Variants in PLCB1 observed in about 807,000 individuals in gnomAD.
PLCB1 encodes the protein phospholipase C beta 1.
A neutral mutation model predicts 161.8 loss-of-function variants in PLCB1; 46 were observed. That is an observed-to-expected ratio of 0.28 (90% CI 0.22 to 0.36). The LOEUF (loss-of-function observed/expected upper bound fraction) is 0.36, where lower values mean the gene tolerates loss of function less well. Among genes scored for constraint, PLCB1 ranks in the 10% least tolerant of loss-of-function variants. The pLI, the probability that PLCB1 is intolerant of heterozygous loss-of-function variation, is 1.00. For synonymous variants in PLCB1, 517 were observed against 503.7 expected (o/e 1.03, Z -0.35); for missense variants, 1,016 against 1,472.5 (o/e 0.69, Z 5.07).
At chr20:8,581,272 G>A (rs1157438181) in intron 3 of PLCB1, among the ~76,000 whole-genome samples, 1 of 152,182 alleles carries the variant, frequency 6.6e-6, no homozygotes, top group African/African-American at 2.4e-5. Flanking sequence ...CTACTTAAAT[G>A]TTCCAATGCT....
chr20:8,810,782 G>A (rs1984778410), intron 31 of PLCB1, among the ~76,000 whole-genome samples: 1 of 152,092 alleles, frequency 6.6e-6, no homozygotes, highest in Non-Finnish European at 1.5e-5. Flanking sequence ...TGGGCAACAT[G>A]GCAAAACCCT....
At chr20:8,709,371 A>C (rs1270720363) in intron 12 of PLCB1, among the ~76,000 whole-genome samples, 1 of 152,228 alleles carries the variant, frequency 6.6e-6, no homozygotes, top group African/African-American at 2.4e-5. Context: ...AGACACATTT[A>C]TATCTAATAG....
intron 3 of PLCB1, among the ~76,000 whole-genome samples, chr20:8,495,045 T>C (rs1227162896): frequency 1.3e-5 from 2 of 151,984 alleles, no homozygotes; most frequent in South Asian, 4.2e-4. Flanking sequence ...GATGTAGTTT[T>C]AAATCTTTTA....
intron 3 of PLCB1, among the ~76,000 whole-genome samples, chr20:8,377,218 A>C (rs752635435): frequency 6.6e-6 from 1 of 152,142 alleles, no homozygotes; most frequent in Non-Finnish European, 1.5e-5. Context: ...TTACAGAGCC[A>C]TAGTGGGGAA....
intron 31 of PLCB1, among the ~76,000 whole-genome samples, chr20:8,847,205 G>A (rs1483685835): frequency 1.5e-5 from 2 of 133,238 alleles, no homozygotes; most frequent in Non-Finnish European, 3.4e-5. Flanking sequence ...TGATTCTGAA[G>A]CTCAGGATCA....
chr20:8,603,771 C>T (rs1228814636), intron 3 of PLCB1, among the ~76,000 whole-genome samples: 2 of 152,162 alleles, frequency 1.3e-5, no homozygotes, highest in African/African-American at 4.8e-5. Flanking sequence ...AATAATTCTA[C>T]CACTTAACAT....
At chr20:8,476,705 C>T (rs889876905) in intron 3 of PLCB1, among the ~76,000 whole-genome samples, 1 of 152,070 alleles carries the variant, frequency 6.6e-6, no homozygotes, top group African/African-American at 2.4e-5. Context: ...TTTTCCTTTT[C>T]TTAAAAGATC....
intron 2 of PLCB1, among the ~76,000 whole-genome samples, chr20:8,351,830 T>C (rs574000183): frequency 2.6e-5 from 4 of 152,058 alleles, no homozygotes; most frequent in Non-Finnish European, 5.9e-5. Flanking sequence ...ATTATAAAAA[T>C]TGATGATACT....
At position 8,662,452 on chromosome 20, in the gene PLCB1, AATT is replaced by A. The variant is rs557737404; in HGVS notation, c.862+3754_862+3756del. Reference sequence around the variant, plus strand: ...TATTATATAATTATGTGTTATGTATAATTATTATATAATTATGTATAATATATA... The same window carrying A: ...TATTATATAATTATGTGTTATGTATAATTATATAATTATGTATAATATATA... On this transcript the variant is annotated intron_variant, in intron 9 of 31. Coordinates refer to ENST00000338037, the MANE Select transcript of PLCB1 (RefSeq NM_015192.4). 2.2e-3 allele frequency among the ~76,000 whole-genome samples: 212 copies of A among 98,334 alleles called. 1 individual carries two copies. The highest frequency in any genetic ancestry group is 6.9e-3 in the African/African-American group (197 of 28,454). The allele number at this position is 98,334 out of a possible 152,430, so 64.5% of individuals were successfully genotyped here.
Position 8,529,533 on chromosome 20 carries a change from A to C in PLCB1, c.247-98761A>C, listed in dbSNP as rs937866825. Among the ~76,000 whole-genome samples the C allele has an allele frequency of 3.9e-5, 6 of 152,058 alleles. No homozygotes were observed. In the South Asian group the frequency reaches 1.2e-3, roughly 31 times the overall value. ...TTTATTGACATTCAACTAGTTACTG[A>C]CAGATTTTTACTGTTCAGTCTCTTA... On this transcript the variant is annotated intron_variant, in intron 3 of 31. Transcript: ENST00000338037.
At chr20:8,869,746 T>A (rs1381377725) in intron 31 of PLCB1, among the ~76,000 whole-genome samples, 1 of 152,214 alleles carries the variant, frequency 6.6e-6, no homozygotes, top group African/African-American at 2.4e-5. Flanking sequence ...GTGGCGGAGC[T>A]TAGCTGGACT....
chr20:8,795,973 C>G (rs1984008933), intron 31 of PLCB1, among the ~76,000 whole-genome samples: 1 of 151,972 alleles, frequency 6.6e-6, no homozygotes, highest in African/African-American at 2.4e-5. Flanking sequence ...CTTTGCTGCT[C>G]CTGACTCTCT....
chr20:8,543,420 G>A (rs2423373), intron 3 of PLCB1, among the ~76,000 whole-genome samples: 2 of 151,498 alleles, frequency 1.3e-5, no homozygotes. Context: ...AAATGTTAGA[G>A]AGGTAGAAAA....
At chr20:8,611,828 C>T (rs1314235144) in intron 3 of PLCB1, among the ~76,000 whole-genome samples, 1 of 152,050 alleles carries the variant, frequency 6.6e-6, no homozygotes, top group Non-Finnish European at 1.5e-5. Flanking sequence ...TGCCTGCAGT[C>T]CTAGCTACTC....
chr20:8,466,322 T>G (rs1981818822), intron 3 of PLCB1, among the ~76,000 whole-genome samples: 1 of 79,468 alleles, frequency 1.3e-5, no homozygotes. Flanking sequence ...TGGGGACTGT[T>G]GTGGGGTGGG....
intron 13 of PLCB1, among the ~76,000 whole-genome samples, chr20:8,717,004 C>T (rs913690105): frequency 2.0e-5 from 3 of 152,218 alleles, no homozygotes; most frequent in African/African-American, 7.2e-5. Context: ...TATCTTGTGG[C>T]TTGCACACAT....
At chr20:8,809,090 G>A (rs1338143617) in intron 31 of PLCB1, among the ~76,000 whole-genome samples, 2 of 151,962 alleles carry the variant, frequency 1.3e-5, no homozygotes, top group African/African-American at 4.8e-5. Flanking sequence ...TCAATTTCCC[G>A]AGGTCAGTTC....
chr20:8,717,268 C>T (rs775578446), intron 13 of PLCB1, among the ~76,000 whole-genome samples: 34 of 152,288 alleles, frequency 2.2e-4, no homozygotes, highest in African/African-American at 7.5e-4. Context: ...CACCTGGAAG[C>T]TTCTGCCCGT....
At chr20:8,700,180 G>T (rs1336713942) in intron 11 of PLCB1, among the ~76,000 whole-genome samples, 1 of 152,224 alleles carries the variant, frequency 6.6e-6, no homozygotes, top group Non-Finnish European at 1.5e-5. Flanking sequence ...CCCTGATGGA[G>T]CTGAGAGCTG....
Sources: gnomAD v4.1 joint callset for allele counts (sites outside exome capture counted in the v4.1 genomes callset) on GRCh38, gnomAD v4.1.1 for gene constraint, MANE v1.5 for transcripts, NCBI Gene and HGNC (gene_info 2026-07-23, HGNC 2026-07-21) for gene names.